ROBO2: variants seen among roughly 807,000 people sequenced by gnomAD.
ROBO2 encodes the protein roundabout homolog 2.
A neutral mutation model predicts 160.8 loss-of-function variants in ROBO2; 53 were observed. That is an observed-to-expected ratio of 0.33 (90% confidence interval 0.26 to 0.41). The LOEUF is 0.41. Among genes scored for constraint, ROBO2 ranks in the 10% least tolerant of loss-of-function variants. The probability of loss-of-function intolerance (pLI) is 1.00; values close to 1 mark genes in which losing one functional copy is unlikely to be tolerated. For synonymous variants in ROBO2, 664 were observed against 611.7 expected, an observed-to-expected ratio of 1.09 and a Z score of -1.26; for missense variants, 1,577 against 1,722.4, an observed-to-expected ratio of 0.92 and a Z score of 1.49.
intron 2 of ROBO2, among the ~76,000 whole-genome samples, chr3:76,698,876 A>G (rs2092989094): frequency 6.6e-6 from 1 of 152,182 alleles, no homozygotes; most frequent in South Asian, 2.1e-4. Context: ...TGTACTTGTG[A>G]TAAAAATGGA....
intron 2 of ROBO2, among the ~76,000 whole-genome samples, chr3:77,154,132 A>AG (rs138674809): frequency 0.04 from 6,131 of 152,156 alleles, 175 homozygotes; most frequent in East Asian, 0.093. Context: ...TGAAAAAAAA[A>AG]CTTGTGAGAA....
At chr3:76,736,475 A>C (rs374561993) in intron 2 of ROBO2, among the ~76,000 whole-genome samples, 1 of 152,162 alleles carries the variant, frequency 6.6e-6, no homozygotes, top group Admixed American at 6.5e-5. Flanking sequence ...GACTTCTTCA[A>C]GGAGGCAAAT....
chr3:76,476,040 C>T (rs2078915939), intron 2 of ROBO2, among the ~76,000 whole-genome samples: 1 of 151,906 alleles, frequency 6.6e-6, no homozygotes, highest in Non-Finnish European at 1.5e-5. Context: ...GTAATCCAAG[C>T]TACTTGGGAG....
At chr3:76,595,078 T>G (rs2086655844) in intron 2 of ROBO2, among the ~76,000 whole-genome samples, 1 of 151,912 alleles carries the variant, frequency 6.6e-6, no homozygotes, top group Non-Finnish European at 1.5e-5. Flanking sequence ...AAAACAGCCC[T>G]TTTGCAAACC....
intron 2 of ROBO2, among the ~76,000 whole-genome samples, chr3:76,986,479 A>G (rs1168770608): frequency 6.6e-6 from 1 of 152,110 alleles, no homozygotes; most frequent in African/African-American, 2.4e-5. Flanking sequence ...ACTCATTGCC[A>G]GAATGCCCAA....
chr3:76,863,883 A>C (rs2071082235), intron 2 of ROBO2, among the ~76,000 whole-genome samples: 1 of 151,916 alleles, frequency 6.6e-6, no homozygotes, highest in Admixed American at 6.6e-5. Flanking sequence ...TTCCTAAATA[A>C]TTGTCTTTTG....
At chr3:77,461,861 G>A (rs938657362) in intron 2 of ROBO2, among the ~76,000 whole-genome samples, 7 of 151,964 alleles carry the variant, frequency 4.6e-5, no homozygotes, top group African/African-American at 1.4e-4. Flanking sequence ...CCATATCTGG[G>A]ATTACAGGCC....
chr3:76,960,276 A>G (rs1266373687), intron 2 of ROBO2, among the ~76,000 whole-genome samples: 1 of 152,114 alleles, frequency 6.6e-6, no homozygotes, highest in Non-Finnish European at 1.5e-5. Flanking sequence ...TGACAACCAC[A>G]TAGTGACCAG....
chr3:76,115,255 T>C (rs1346539881), intron 2 of ROBO2, among the ~76,000 whole-genome samples: 1 of 152,104 alleles, frequency 6.6e-6, no homozygotes, highest in Non-Finnish European at 1.5e-5. Flanking sequence ...TCCCCTTTTT[T>C]GCATCACCAT....
chr3:76,328,911 TATATA>T (rs1559772615), intron 2 of ROBO2, among the ~76,000 whole-genome samples: 1 of 55,352 alleles, frequency 1.8e-5, no homozygotes, highest in African/African-American at 5.0e-5. Context: ...TATGTTATTA[TATATA>T]TATATATATA....
chr3:76,957,393 G>C (rs2079347711), intron 2 of ROBO2, among the ~76,000 whole-genome samples: 1 of 151,994 alleles, frequency 6.6e-6, no homozygotes, highest in Non-Finnish European at 1.5e-5. Flanking sequence ...TAGATATTTT[G>C]CTAGGACTTG....
chr3:77,087,838 A>G (rs1189501791), intron 1 of ROBO2, among the ~76,000 whole-genome samples: 4 of 152,086 alleles, frequency 2.6e-5, no homozygotes, highest in Non-Finnish European at 5.9e-5. Flanking sequence ...ATACACACAC[A>G]CATATATATA....
chr3:77,584,144 T>A (rs1411804141), intron 16 of ROBO2, among the ~76,000 whole-genome samples: 1 of 152,126 alleles, frequency 6.6e-6, no homozygotes, highest in Admixed American at 6.6e-5. Flanking sequence ...ACCATCTCCC[T>A]CTTTCATATG....
chr3:76,758,761 C>T (rs529110642), intron 2 of ROBO2, among the ~76,000 whole-genome samples: 1 of 151,894 alleles, frequency 6.6e-6, no homozygotes, highest in East Asian at 2.0e-4. Context: ...ACATTATTGT[C>T]CATTGGTGTT....
At chr3:76,205,661 C>T (rs1575864214) in intron 2 of ROBO2, among the ~76,000 whole-genome samples, 1 of 152,308 alleles carries the variant, frequency 6.6e-6, no homozygotes. Context: ...CAGGTTTACA[C>T]AGCCCCTCCC....
intron 2 of ROBO2, among the ~76,000 whole-genome samples, chr3:76,893,766 C>T (rs2074543979): frequency 6.6e-6 from 1 of 151,938 alleles, no homozygotes; most frequent in Admixed American, 6.6e-5. Context: ...AGAACTTATA[C>T]CTTTTATCTA....
At chr3:76,420,849 G>T (rs1334621891) in intron 2 of ROBO2, among the ~76,000 whole-genome samples, 1 of 152,254 alleles carries the variant, frequency 6.6e-6, no homozygotes, top group East Asian at 1.9e-4. Context: ...GAAGTATTTT[G>T]TGTCTCCACA....
At chr3:77,338,468 T>C (rs1319398862) in intron 2 of ROBO2, among the ~76,000 whole-genome samples, 3 of 152,130 alleles carry the variant, frequency 2.0e-5, no homozygotes, top group South Asian at 2.1e-4. Context: ...ATCTGACAAA[T>C]GACCTTAAAG....
At chr3:76,983,677 T>A (rs1216086702) in intron 2 of ROBO2, among the ~76,000 whole-genome samples, 1 of 152,206 alleles carries the variant, frequency 6.6e-6, no homozygotes, top group Non-Finnish European at 1.5e-5. Flanking sequence ...ACTTACAAAG[T>A]ACCTATTATA....
Sources: allele counts gnomAD v4.1 joint callset (sites outside exome capture counted in the v4.1 genomes callset), GRCh38; gene constraint gnomAD v4.1.1; transcripts MANE v1.5; gene names NCBI Gene and HGNC (gene_info 2026-07-23, HGNC 2026-07-21).